Variants in PCDHGB2 observed in about 807,000 individuals in gnomAD.
The protein encoded by PCDHGB2 is protocadherin gamma subfamily B, 2, also known as protocadherin gamma-B2.
In PCDHGB2, 55 loss-of-function variants were observed where a neutral mutation model predicts 59.3. The observed-to-expected ratio is 0.93, with a 90% CI of 0.75 to 1.16. PCDHGB2 has a LOEUF of 1.16. Ranked by LOEUF, PCDHGB2 falls within the 50% of genes most tolerant of loss-of-function variation. The pLI is 0.00. For synonymous variants in PCDHGB2, 516 were observed against 512.0 expected (o/e 1.01, Z -0.11); for missense variants, 1,228 against 1,198.5 (o/e 1.02, Z -0.36).
intron 1 of PCDHGB2, chr5:141,370,412 A>G (rs1561546319): frequency 3.2e-6 from 5 of 1,567,090 alleles, no homozygotes; most frequent in Non-Finnish European, 4.3e-6. Context: ...ATAGCTCCGG[A>G]TGGAGGGGCC....
At chr5:141,405,257 A>T (rs747554046) in intron 1 of PCDHGB2, 2 of 1,613,954 alleles carry the variant, frequency 1.2e-6, no homozygotes, top group Non-Finnish European at 1.7e-6. Flanking sequence ...GAGTCACCTG[A>T]TCTTCCCCCA....
At position 141,408,728 on chromosome 5, in the gene PCDHGB2, C is replaced by T. The variant is rs371316574; in HGVS notation, c.2421+46172C>T. ...TAAAGATTATAAGATAAACTCTAAT[C>T]CTTATTTTTCATTAATGGTTAGAGT... On this transcript the variant is annotated intron_variant, in intron 1 of 3. Transcript: ENST00000522605. 6.2e-7 allele frequency: 1 copy of T among 1,610,292 alleles called. No homozygotes were observed. Among genetic ancestry groups the T allele is most frequent in the African/African-American group, 1.3e-5 (1 of 74,802 alleles).
intron 1 of PCDHGB2, chr5:141,399,640 G>C: frequency 2.5e-6 from 4 of 1,613,836 alleles, no homozygotes; most frequent in Non-Finnish European, 3.4e-6. Flanking sequence ...GTCCATGAGC[G>C]CGCAAAGTGG....
intron 1 of PCDHGB2, among the ~76,000 whole-genome samples, chr5:141,463,642 G>A (rs573143516): frequency 6.6e-6 from 1 of 151,750 alleles, no homozygotes; most frequent in South Asian, 2.1e-4. Context: ...TAGTAGAGAC[G>A]GGGTTTCACC....
chr5:141,361,633 G>A lies in PCDHGB2; in HGVS notation c.1498G>A (p.Glu500Lys), dbSNP rs891072773. The A allele has an allele frequency of 6.2e-7, 1 of 1,613,904 alleles. No individual in the cohort carries two copies. The highest frequency in any genetic ancestry group is 8.5e-7 in the Non-Finnish European group (1 of 1,179,906). ...CGTAGCGAGCGACCTGAAGCCGCGG[G>A]AGATTTTATCCTACGTGTCCGTGAG... ...SIVASDLKPR[E>K]ILSYVSVSAQ... The change falls in exon 1 of 4, where the codon GAG becomes AAG. Residue 500 changes from glutamate to lysine, a missense_variant. Coordinates refer to ENST00000522605, the MANE Select transcript of PCDHGB2 (RefSeq NM_018923.3).
chr5:141,383,267 T>G (rs1428207205), intron 1 of PCDHGB2: 1 of 1,613,726 alleles, frequency 6.2e-7, no homozygotes, highest in East Asian at 2.2e-5. Context: ...GACGTGGAAA[T>G]AATAGATATT....
rs2099412065 is a variant in PCDHGB2, at chr5:141,477,502, C to T, written c.2422-17305C>T. On this transcript the variant is annotated intron_variant, in intron 1 of 3. Coordinates refer to ENST00000522605, the MANE Select transcript of PCDHGB2 (RefSeq NM_018923.3). This position sits in a 1 kb window ranked among gnomAD's most constrained non-coding sequence, Gnocchi z 4.9. ...CTCCACAATCTTCTCAATCTTCCTACGACGTTTACATTGAAGAAAACAACC... is the reference window on the plus strand; with the variant it reads ...CTCCACAATCTTCTCAATCTTCCTATGACGTTTACATTGAAGAAAACAACC... 2 of 1,614,144 alleles carry T rather than the reference C, an allele frequency of 1.2e-6. No homozygotes were observed. Among genetic ancestry groups the T allele is most frequent in the Non-Finnish European group, 1.7e-6 (2 of 1,180,018 alleles).
chr5:141,391,912 T>C (rs1370313040), intron 1 of PCDHGB2: 1 of 152,228 alleles, frequency 6.6e-6, no homozygotes, highest in Non-Finnish European at 1.5e-5. Context: ...CTTTTTATCA[T>C]ATATTCATCT....
At chr5:141,364,558 C>T in intron 1 of PCDHGB2, 1 of 1,614,026 alleles carries the variant, frequency 6.2e-7, no homozygotes, top group Non-Finnish European at 8.5e-7. Flanking sequence ...AGCTTTTTGC[C>T]CTGAACCCGC....
Position 141,361,105 on chromosome 5 carries a change from C to G in PCDHGB2, c.970C>G (p.Pro324Ala). Reference protein sequence around the residue: ...SYTLSIEAKDPGDLAAHCSIQ... With the variant: ...SYTLSIEAKDAGDLAAHCSIQ... Reference sequence around the variant, plus strand: ...CACTCTGAGTATCGAAGCAAAAGATCCTGGAGATCTAGCAGCCCACTGCAG... The same window carrying G: ...CACTCTGAGTATCGAAGCAAAAGATGCTGGAGATCTAGCAGCCCACTGCAG... Residue 324 changes from proline to alanine, a missense_variant, in exon 1 of 4, where the codon CCT becomes GCT. By Grantham distance (27) the Pro-to-Ala change is conservative (BLOSUM62 -1). This residue lies in a region of PCDHGB2 where 781 missense variants were observed against 721.6 expected (regional missense o/e 1.08). Coordinates refer to ENST00000522605, the MANE Select transcript of PCDHGB2 (RefSeq NM_018923.3). 6.2e-7 allele frequency: 1 copy of G among 1,613,960 alleles called. No homozygotes were observed. Among genetic ancestry groups the G allele is most frequent in the South Asian group, 1.1e-5 (1 of 91,078 alleles).
At chr5:141,372,579 C>A in intron 1 of PCDHGB2, 1 of 1,614,048 alleles carries the variant, frequency 6.2e-7, no homozygotes, top group Non-Finnish European at 8.5e-7. Flanking sequence ...CTACTTTCAG[C>A]CTGGTGTCTG....
chr5:141,373,366 A>T (rs1309577062), intron 1 of PCDHGB2, among the ~76,000 whole-genome samples: 1 of 152,214 alleles, frequency 6.6e-6, no homozygotes, highest in Non-Finnish European at 1.5e-5. Context: ...ACTGTAATGA[A>T]TTGGTTCAAA....
chr5:141,398,861 A>G, intron 1 of PCDHGB2: 1 of 1,613,990 alleles, frequency 6.2e-7, no homozygotes, highest in South Asian at 1.1e-5. Flanking sequence ...TTCAACCGAG[A>G]CGTGTACAGA....
At position 141,486,821 on chromosome 5, in the gene PCDHGB2, A is replaced by T. The variant is rs756652952; in HGVS notation, c.2422-7986A>T. On this transcript the variant is annotated intron_variant, in intron 1 of 3. Transcript: ENST00000522605. The surrounding 1 kb of genome is among the most constrained non-coding windows in gnomAD (Gnocchi z 5.0). ...CAACCCACCCCTTAGCAGCACTGTA[A>T]CAGTTCGTCTATTTGTGCTGGACCT... 36 of 1,614,116 alleles carry T rather than the reference A, an allele frequency of 2.2e-5. No individual in the cohort carries two copies. In the South Asian group the frequency reaches 3.4e-4, roughly 15 times the overall value.
At chr5:141,428,493 T>G in intron 1 of PCDHGB2, 1 of 307,146 alleles carries the variant, frequency 3.3e-6, no homozygotes, top group Non-Finnish European at 6.3e-6. Context: ...GCAATCTGTA[T>G]GTTCCCTCGG....
intron 1 of PCDHGB2, chr5:141,394,120 C>T: frequency 5.0e-6 from 8 of 1,613,954 alleles, no homozygotes; most frequent in Non-Finnish European, 5.9e-6. Context: ...TCCACTGAAA[C>T]TCAAATCGCT....
chr5:141,414,106 CTAGA>C, intron 1 of PCDHGB2: 1 of 1,592,656 alleles, frequency 6.3e-7, no homozygotes, highest in Non-Finnish European at 8.6e-7. Flanking sequence ...ATCAGAAAAT[CTAGA>C]TTATGAAGAA....
At chr5:141,362,647 G>A (rs1762612378) in intron 1 of PCDHGB2, 91 bp downstream of exon 1, 3 of 1,443,954 alleles carry the variant, frequency 2.1e-6, no homozygotes, top group South Asian at 1.4e-5. Context: ...TTGTCTGTGA[G>A]TTAGATTTGG....
chr5:141,386,377 T>G (rs535243472), intron 1 of PCDHGB2, among the ~76,000 whole-genome samples: 33 of 152,286 alleles, frequency 2.2e-4, no homozygotes, highest in African/African-American at 7.9e-4. Flanking sequence ...CTTTGAGTAT[T>G]AATTAAAAAC....
Sources: gnomAD v4.1 joint callset for allele counts (sites outside exome capture counted in the v4.1 genomes callset) on GRCh38, gnomAD v4.1.1 for gene constraint, gnomAD v4.1.1 regional missense constraint, Gnocchi (gnomAD v3.1) non-coding constraint, MANE v1.5 for transcripts, NCBI Gene and HGNC (gene_info 2026-07-23, HGNC 2026-07-21) for gene names.